APBB3: variants seen among roughly 807,000 people sequenced by gnomAD.
APBB3 encodes the protein amyloid-beta A4 precursor protein-binding family B member 3.
APBB3 carries 50 observed loss-of-function variants against 61.5 expected under a neutral mutation model. The observed-to-expected ratio is 0.81, with a 90% CI of 0.65 to 1.03. The LOEUF (loss-of-function observed/expected upper bound fraction) is 1.03. Ranked by LOEUF, APBB3 falls within the 50% of genes least tolerant of loss-of-function variation. The pLI, the probability that APBB3 is intolerant of heterozygous loss-of-function variation, is 0.00. For synonymous variants in APBB3, 235 were observed against 233.0 expected (o/e 1.01, Z -0.08); for missense variants, 550 against 637.4 (o/e 0.86, Z 1.48).
In APBB3 at chr5:140,563,888, T is replaced by G; in HGVS notation, c.77A>C (p.Glu26Ala). 1 of 1,613,940 alleles carries G rather than the reference T, an allele frequency of 6.2e-7. No individual in the cohort carries two copies. The highest frequency in any genetic ancestry group is 8.5e-7 in the Non-Finnish European group (1 of 1,179,984). Residue 26 changes from glutamate (E) to alanine (A), a missense_variant, in exon 2 of 13, where the codon GAG becomes GCG. Glu to Ala is a moderately radical substitution (Grantham distance 107). This residue lies in a region of APBB3 where 405 missense variants were observed against 483.4 expected (regional missense o/e 0.84). Transcript: ENST00000357560. ...GCCAGGAGGCAGGCCAGCCTCCACC[T>G]CCAGACTGTGGTCCCCCCACAAGTC... The part of the protein sequence containing the change: ...DDDLWGDHSL[E>A]VEAGLPPGWR...
At position 140,561,733 on chromosome 5, in the gene APBB3, A is replaced by G. The variant is rs171632; in HGVS notation, c.633-32T>C. ...GGGGCAGAGATGGGGCTGGGGTAGA[A>G]GCTGGTTAGAGGCAGGAGCCTGCAG... On this transcript the variant is annotated intron_variant, in intron 7 of 12. Coordinates refer to ENST00000357560, the MANE Select transcript of APBB3 (RefSeq NM_133173.3). 0.7 allele frequency: 1,130,821 copies of G among 1,613,902 alleles called. 398,043 individuals carry two copies. Among genetic ancestry groups the G allele is most frequent in the East Asian group, 0.81 (36,351 of 44,872 alleles).
In APBB3 at chr5:140,564,333, T is replaced by C. The variant is rs1040496006; in HGVS notation, c.-88A>G. 3.3e-6 allele frequency: 5 copies of C among 1,520,008 alleles called. No homozygotes were observed. The highest frequency in any genetic ancestry group is 2.7e-5 in the African/African-American group (2 of 73,066). 94.2% of individuals were successfully genotyped at this position (1,520,008 alleles called of 1,614,324 possible). ...AGCTACTGCGCCTGCAAGCCCAGCC[T>C]CTCTGCGCCGCAGGCTGCGGGGCCA... On this transcript the variant is annotated 5_prime_UTR_variant, in exon 1 of 13. Coordinates refer to ENST00000357560, the MANE Select transcript of APBB3 (RefSeq NM_133173.3). The surrounding 1 kb of genome is among the most constrained non-coding windows in gnomAD (Gnocchi z 5.0).
rs375963416 is a variant in APBB3 at position 140,563,680 on chromosome 5, G to A, written c.214-10C>T. The A allele has an allele frequency of 2.7e-5, 43 of 1,614,038 alleles. No individual in the cohort carries two copies. The highest frequency in any genetic ancestry group is 3.1e-5 in the Non-Finnish European group (37 of 1,180,024). On this transcript the variant is annotated splice_polypyrimidine_tract_variant and intron_variant, in intron 2 of 12. Transcript: ENST00000357560. The stretch of plus-strand genomic sequence containing the variant: ...AGATCCCCTCCGTTCCCTGTAGAGT[G>A]GGAGTTAGTCAGTTTAACAGCAGAC...
In APBB3 at chr5:140,562,716, G is replaced by A; in HGVS notation, c.298C>T (p.Leu100=). ...LESSLDRSNS[L]SWYGGESYIQ... is the part of the protein sequence containing the mutation. ...TAGGATTCCCCACCATACCAGGACA[G>A]AGAGTTACTGAAACAGAGCAGAGCT... Residue 100 remains leucine, a synonymous_variant, in exon 4 of 13, where the codon CTG becomes TTG. Transcript: ENST00000357560. 1 of 1,614,158 alleles carries A rather than the reference G, an allele frequency of 6.2e-7. No homozygotes were observed. Among genetic ancestry groups the A allele is most frequent in the Non-Finnish European group, 8.5e-7 (1 of 1,179,984 alleles).
chr5:140,562,316 C>G (rs746304138), intron 5 of APBB3, 37 bp downstream of exon 5: 21 of 1,612,138 alleles, frequency 1.3e-5, no homozygotes, highest in Non-Finnish European at 1.8e-5. Flanking sequence ...TCTGCTGGGC[C>G]CTGGGCCCAA....
chr5:140,558,446 A>G lies in APBB3; in HGVS notation c.*139T>C. On this transcript the variant is annotated 3_prime_UTR_variant, in exon 13 of 13. Coordinates refer to ENST00000357560, the MANE Select transcript of APBB3 (RefSeq NM_133173.3). The stretch of plus-strand genomic sequence containing the variant: ...ATCCGTATAAACAATAAATTGGGCA[A>G]TAAATAGACGGTGGACAAGGATCGG... 1 of 902,954 alleles carries G rather than the reference A, an allele frequency of 1.1e-6. No individual in the cohort carries two copies. The highest frequency in any genetic ancestry group is 1.9e-5 in the Admixed American group (1 of 52,446). 55.9% of individuals were successfully genotyped at this position (902,954 alleles called of 1,614,324 possible). A position where few individuals can be genotyped will look rare whatever the true frequency, so the allele number is the denominator to read the frequency against.
intron 12 of APBB3, among the ~76,000 whole-genome samples, chr5:140,559,170 TTC>T (rs1193933270): frequency 1.3e-5 from 2 of 152,278 alleles, no homozygotes; most frequent in Non-Finnish European, 2.9e-5. Context: ...TCAAACCTAG[TTC>T]TCTCTGATTG....
At chr5:140,562,037 G>A in intron 6 of APBB3, 63 bp downstream of exon 6, 4 of 1,612,570 alleles carry the variant, frequency 2.5e-6, no homozygotes, top group East Asian at 2.2e-5. Flanking sequence ...GCATCAGTGG[G>A]GATCACAGCC....
chr5:140,558,862 C>T (rs764486058), intron 12 of APBB3, 41 bp from the exon 13 acceptor site: 3 of 1,570,956 alleles, frequency 1.9e-6, no homozygotes, highest in Non-Finnish European at 2.6e-6. Flanking sequence ...TACTTTCTGC[C>T]TCTAGACTCC....
chr5:140,558,485 G>A lies in APBB3; in HGVS notation c.*100C>T. On this transcript the variant is annotated 3_prime_UTR_variant, in exon 13 of 13. Transcript: ENST00000357560. ...GACAAGGATCGGAGGGACAGGCAGA[G>A]AAGGCTTCAAGGAGTGACAGGCTAT... 8.7e-7 allele frequency: 1 copy of A among 1,147,206 alleles called. No individual in the cohort carries two copies. Among genetic ancestry groups the A allele is most frequent in the South Asian group, 1.2e-5 (1 of 80,232 alleles). The allele number at this position is 1,147,206 out of a possible 1,614,324, so 71.1% of individuals were successfully genotyped here. A position where few individuals can be genotyped will look rare whatever the true frequency, so the allele number is the denominator to read the frequency against.
rs749729906 is a variant in APBB3 at position 140,562,186 on chromosome 5, G to A, written c.540C>T (p.Ser180=). The A allele has an allele frequency of 3.1e-6, 5 of 1,614,190 alleles. No individual in the cohort carries two copies. In the East Asian group the frequency reaches 1.1e-4, roughly 36 times the overall value. ...GACTGTGGTCCAGGGGATTCACTAGGCTCATGGCATCCTTCTTCAGGATCA... is the reference window on the plus strand; with the variant it reads ...GACTGTGGTCCAGGGGATTCACTAGACTCATGGCATCCTTCTTCAGGATCA... ...MLMILKKDAM[S]LVNPLDHSLI... Residue 180 remains serine (S), a synonymous_variant, in exon 6 of 13, where the codon AGC becomes AGT. Transcript: ENST00000357560.
rs1360917563 is a variant in APBB3 at position 140,562,509 on chromosome 5, T to C, written c.352-10A>G. 6.2e-7 allele frequency: 1 copy of C among 1,613,856 alleles called. No homozygotes were observed. Among genetic ancestry groups the C allele is most frequent in the Admixed American group, 1.7e-5 (1 of 60,010 alleles). ...AGCGGACTGCAAAGCACTGACAGGT[T>C]GGGGGAAGGGACAGGAATTAATAAG... On this transcript the variant is annotated splice_polypyrimidine_tract_variant and intron_variant, in intron 4 of 12. Coordinates refer to ENST00000357560, the MANE Select transcript of APBB3 (RefSeq NM_133173.3).
In APBB3 at chr5:140,564,414, G is replaced by A; in HGVS notation, c.-169C>T. The A allele has an allele frequency of 2.6e-6, 2 of 781,252 alleles. No individual in the cohort carries two copies. Among genetic ancestry groups the A allele is most frequent in the South Asian group, 1.7e-5 (1 of 58,134 alleles). 48.4% of individuals were successfully genotyped at this position (781,252 alleles called of 1,614,324 possible). A position where few individuals can be genotyped will look rare whatever the true frequency, so the allele number is the denominator to read the frequency against. ...CGGGGCGGGACACGGGCCGGTCCCG[G>A]GGGAGGGCCTGAGCCGCACAGCCCG... On this transcript the variant is annotated 5_prime_UTR_variant, in exon 1 of 13. Transcript: ENST00000357560. The surrounding 1 kb of genome is among the most constrained non-coding windows in gnomAD (Gnocchi z 5.0).
Position 140,562,175 on chromosome 5 carries a change from G to T in APBB3, c.551C>A (p.Pro184His), listed in dbSNP as rs145695941. ...GCAGTGGATCAGACTGTGGTCCAGG[G>T]GATTCACTAGGCTCATGGCATCCTT... is the stretch of plus-strand genomic sequence containing the variant. ...LKKDAMSLVNPLDHSLIHCQP... is the reference protein window; with the variant it reads ...LKKDAMSLVNHLDHSLIHCQP... Residue 184 changes from proline (P) to histidine (H), a missense_variant, in exon 6 of 13, where the codon CCC becomes CAC. Physicochemically the swap from Pro to His is moderately conservative, Grantham distance 77. This residue lies in a region of APBB3 where 405 missense variants were observed against 483.4 expected (regional missense o/e 0.84). Coordinates refer to ENST00000357560, the MANE Select transcript of APBB3 (RefSeq NM_133173.3). 1.2e-6 allele frequency: 2 copies of T among 1,614,172 alleles called. No homozygotes were observed. Among genetic ancestry groups the T allele is most frequent in the African/African-American group, 1.3e-5 (1 of 75,030 alleles).
Position 140,563,899 on chromosome 5 carries a change from G to A in APBB3, c.66C>T (p.Asp22=). 2 of 1,613,788 alleles carry A rather than the reference G, an allele frequency of 1.2e-6. No individual in the cohort carries two copies. The highest frequency in any genetic ancestry group is 1.3e-5 in the African/African-American group (1 of 75,022). The change falls in exon 2 of 13, where the codon GAC becomes GAT. Residue 22 remains aspartate (D), a synonymous_variant. Coordinates refer to ENST00000357560, the MANE Select transcript of APBB3 (RefSeq NM_133173.3). ...LVNCDDDLWG[D]HSLEVEAGLP... ...GGCCAGCCTCCACCTCCAGACTGTG[G>A]TCCCCCCACAAGTCATCTACAGGAA...
At chr5:140,559,190 TA>T (rs1754839832) in intron 12 of APBB3, among the ~76,000 whole-genome samples, 1 of 152,160 alleles carries the variant, frequency 6.6e-6, no homozygotes, top group South Asian at 2.1e-4. Flanking sequence ...TTGCAGAGCC[TA>T]AACTCTTAAT....
chr5:140,558,817 T>C lies in APBB3; in HGVS notation c.1229A>G (p.Gln410Arg). 4 of 1,612,260 alleles carry C rather than the reference T, an allele frequency of 2.5e-6. No individual in the cohort carries two copies. The highest frequency in any genetic ancestry group is 3.4e-6 in the Non-Finnish European group (4 of 1,179,658). ...SEAVQAACMVQYQKCLVASAA... is the reference protein window; with the variant it reads ...SEAVQAACMVRYQKCLVASAA... ...AGAGGCCACAAGACACTTCTGGTAC[T>C]GAACCTAGGGAGAAGGGGAATGTGA... Residue 410 changes from glutamine (Q) to arginine (R), a missense_variant, in exon 13 of 13, where the codon CAG becomes CGG. Physicochemically the swap from Gln to Arg is conservative, Grantham distance 43. Around this residue, in one of 3 missense-constraint regions of APBB3, gnomAD observed 138 missense variants for 132.6 expected, o/e 1.04. Transcript: ENST00000357560.
In APBB3 at chr5:140,560,195, T is replaced by C; in HGVS notation, c.1224+118A>G. The C allele has an allele frequency of 8.6e-7, 1 of 1,157,020 alleles. No individual in the cohort carries two copies. Among genetic ancestry groups the C allele is most frequent in the South Asian group, 1.6e-5 (1 of 63,406 alleles). 71.7% of individuals were successfully genotyped at this position (1,157,020 alleles called of 1,614,324 possible). ...AACAACATGAGGGCCAAAACATTAA[T>C]GAACCAGAATCAGCCCAGGTTTGTG... On this transcript the variant is annotated intron_variant, in intron 12 of 12. Transcript: ENST00000357560. This position sits in a 1 kb window ranked among gnomAD's most constrained non-coding sequence, Gnocchi z 5.1.
At position 140,563,626 on chromosome 5, in the gene APBB3, G is replaced by C; in HGVS notation, c.258C>G (p.Ser86=). The C allele has an allele frequency of 6.2e-7, 1 of 1,614,210 alleles. No homozygotes were observed. Among genetic ancestry groups the C allele is most frequent in the Non-Finnish European group, 8.5e-7 (1 of 1,180,034 alleles). ...CCAGTGAACTCTCCAGGCTGGAGAA[G>C]GATCTCCCTTTGGGGGGCCGCAGTC... ...IWGLRPPKGR[S]FSSLESSLDR... The change falls in exon 3 of 13, where the codon TCC becomes TCG. Residue 86 remains serine (S), a synonymous_variant. Transcript: ENST00000357560.
Sources: gnomAD v4.1 joint callset for allele counts (sites outside exome capture counted in the v4.1 genomes callset) on GRCh38, gnomAD v4.1.1 for gene constraint, gnomAD v4.1.1 regional missense constraint, Gnocchi (gnomAD v3.1) non-coding constraint, MANE v1.5 for transcripts, NCBI Gene and HGNC (gene_info 2026-07-23, HGNC 2026-07-21) for gene names.